PDHX: variants seen among roughly 807,000 people sequenced by gnomAD.
PDHX encodes pyruvate dehydrogenase complex component X, also known as pyruvate dehydrogenase protein X component, mitochondrial.
In PDHX, 33 loss-of-function variants were observed where a neutral mutation model predicts 55.3. That is an observed-to-expected ratio of 0.60 (90% CI 0.45 to 0.80). The LOEUF (loss-of-function observed/expected upper bound fraction) is 0.80. Among genes scored for constraint, PDHX ranks in the 30% least tolerant of loss-of-function variants. The pLI, the probability that PDHX is intolerant of heterozygous loss-of-function variation, is 0.00. For synonymous variants in PDHX, 226 were observed against 219.4 expected, an observed-to-expected ratio of 1.03 and a Z score of -0.27; for missense variants, 622 against 619.9, an observed-to-expected ratio of 1.00 and a Z score of -0.04.
chr11:34,942,799 C>T (rs1854518905), intron 2 of PDHX, among the ~76,000 whole-genome samples: 1 of 152,080 alleles, frequency 6.6e-6, no homozygotes, highest in African/African-American at 2.4e-5. Context: ...CTTTTCCCTA[C>T]CTCCCTCTCT....
At chr11:34,938,237 A>G (rs1387506458) in intron 2 of PDHX, among the ~76,000 whole-genome samples, 1 of 152,224 alleles carries the variant, frequency 6.6e-6, no homozygotes, top group Non-Finnish European at 1.5e-5. Context: ...GAAGGGTAAA[A>G]TGAAAATTAT....
intron 1 of PDHX, among the ~76,000 whole-genome samples, chr11:34,921,900 T>A (rs1227360440): frequency 6.6e-6 from 1 of 152,206 alleles, no homozygotes; most frequent in Non-Finnish European, 1.5e-5. Flanking sequence ...TTTGCATTAC[T>A]TCTAACCATC....
Position 34,995,016 on chromosome 11 carries a change from G to A in PDHX, c.1350G>A (p.Lys450=). 6.2e-7 allele frequency: 1 copy of A among 1,614,080 alleles called. No individual in the cohort carries two copies. Among genetic ancestry groups the A allele is most frequent in the Non-Finnish European group, 8.5e-7 (1 of 1,179,948 alleles). ...TTGGGAGGTTCCGACCTGTGCTGAA[G>A]CTCACTGAGGATGAAGAGGGAAATG... ...LAVGRFRPVL[K]LTEDEEGNAK... The change falls in exon 11 of 11, where the codon AAG becomes AAA. Residue 450 remains lysine, a synonymous_variant. Coordinates refer to ENST00000227868, the MANE Select transcript of PDHX (RefSeq NM_003477.3).
intron 5 of PDHX, 46 bp downstream of exon 5, chr11:34,960,564 A>T (rs769879684): frequency 1.0e-5 from 12 of 1,144,570 alleles, no homozygotes; most frequent in Middle Eastern, 2.0e-4. Flanking sequence ...ATTTATTATG[A>T]TCATGTTTTT....
intron 2 of PDHX, among the ~76,000 whole-genome samples, chr11:34,939,471 GTGTGTGT>G: frequency 3.2e-3 from 2 of 632 alleles, no homozygotes; most frequent in African/African-American, 5.0e-3. Context: ...TACTAATGGT[GTGTGTGT>G]GTGTGTGTGT....
intron 3 of PDHX, among the ~76,000 whole-genome samples, chr11:34,953,903 G>A (rs1012226431): frequency 6.6e-6 from 1 of 152,222 alleles, no homozygotes; most frequent in African/African-American, 2.4e-5. Flanking sequence ...GCACTTGAAA[G>A]CCAGACAACT....
rs1434585597 is a variant in PDHX at position 34,973,723 on chromosome 11, GT to G, written c.964+3441del. On this transcript the variant is annotated intron_variant, in intron 7 of 10. Transcript: ENST00000227868. ...TCATATTTTGTACTGCTGTTGTCATGTTTTACTTCTATATATGATGTAAGCC... is the reference window on the plus strand; with the variant it reads ...TCATATTTTGTACTGCTGTTGTCATGTTTACTTCTATATATGATGTAAGCC... Among the ~76,000 whole-genome samples the G allele has an allele frequency of 1.8e-4, 27 of 152,002 alleles. 1 individual carries two copies. In the East Asian group the frequency reaches 5.2e-3, roughly 29 times the overall value.
chr11:34,916,171 G>A (rs988171497), upstream of PDHX: 9 of 1,572,698 alleles, frequency 5.7e-6, no homozygotes, highest in Non-Finnish European at 6.9e-6. Context: ...CCAGCCGCCG[G>A]GTCCCGCCTG....
At chr11:34,990,348 C>T (rs889442597) in intron 9 of PDHX, among the ~76,000 whole-genome samples, 5 of 152,034 alleles carry the variant, frequency 3.3e-5, no homozygotes, top group African/African-American at 7.2e-5. Context: ...CCAGGAGATC[C>T]CAGTGATGAT....
chr11:34,973,132 A>T (rs1855292018), intron 7 of PDHX, among the ~76,000 whole-genome samples: 1 of 152,152 alleles, frequency 6.6e-6, no homozygotes, highest in Admixed American at 6.5e-5. Context: ...TTGGCCACAT[A>T]CACAGTTAGG....
intron 5 of PDHX, among the ~76,000 whole-genome samples, chr11:34,962,914 A>G (rs1283059744): frequency 6.6e-6 from 1 of 152,224 alleles, no homozygotes; most frequent in Non-Finnish European, 1.5e-5. Context: ...GAATACCATA[A>G]GGAAGCAGTA....
At chr11:34,919,280 TG>T (rs1289793591) in intron 1 of PDHX, among the ~76,000 whole-genome samples, 5 of 94,634 alleles carry the variant, frequency 5.3e-5, no homozygotes, top group Non-Finnish European at 1.7e-4. Flanking sequence ...TTTTACAAAC[TG>T]TGAATTTACG....
At chr11:34,963,278 T>C (rs1369587946) in intron 5 of PDHX, among the ~76,000 whole-genome samples, 1 of 151,744 alleles carries the variant, frequency 6.6e-6, no homozygotes, top group African/African-American at 2.4e-5. Flanking sequence ...ACGTTTTGAA[T>C]TTTTTTTTCT....
chr11:34,949,687 T>C (rs1379890031), intron 3 of PDHX, among the ~76,000 whole-genome samples: 1 of 152,226 alleles, frequency 6.6e-6, no homozygotes, highest in Non-Finnish European at 1.5e-5. Context: ...GATGACATAT[T>C]TGGAGGGTTT....
At chr11:34,932,351 G>T (rs371030937) in intron 2 of PDHX, among the ~76,000 whole-genome samples, 2 of 152,054 alleles carry the variant, frequency 1.3e-5, no homozygotes, top group Non-Finnish European at 2.9e-5. Flanking sequence ...GAGTATTTGC[G>T]ATTTCTATCA....
chr11:34,950,824 C>T (rs1283274393), intron 3 of PDHX, among the ~76,000 whole-genome samples: 7 of 150,150 alleles, frequency 4.7e-5, no homozygotes, highest in Non-Finnish European at 7.4e-5. Context: ...TGAATAGTGC[C>T]GCAGTAAACA....
At chr11:34,972,222 T>C (rs906073518) in intron 7 of PDHX, among the ~76,000 whole-genome samples, 3 of 152,060 alleles carry the variant, frequency 2.0e-5, no homozygotes, top group African/African-American at 7.2e-5. Context: ...CTCATTGATT[T>C]CTGTTCTTTA....
intron 4 of PDHX, among the ~76,000 whole-genome samples, chr11:34,958,593 G>T (rs575477141): frequency 6.6e-6 from 1 of 152,030 alleles, no homozygotes; most frequent in South Asian, 2.1e-4. Context: ...GAGCCACTGC[G>T]CCTGGCCTGC....
intron 2 of PDHX, among the ~76,000 whole-genome samples, chr11:34,935,265 T>G (rs1377252180): frequency 6.6e-6 from 1 of 152,184 alleles, no homozygotes; most frequent in African/African-American, 2.4e-5. Context: ...ATTGGAATGT[T>G]GATATTATTA....
Sources: allele counts gnomAD v4.1 joint callset (sites outside exome capture counted in the v4.1 genomes callset), GRCh38; gene constraint gnomAD v4.1.1; transcripts MANE v1.5; gene names NCBI Gene and HGNC (gene_info 2026-07-23, HGNC 2026-07-21).